Variants in SLIT3 observed in about 807,000 individuals in gnomAD.
SLIT3 encodes the protein slit guidance ligand 3.
In SLIT3, 68 loss-of-function variants were observed where a neutral mutation model predicts 184.0. The ratio of observed to expected loss-of-function variants is 0.37; its 90% CI spans 0.30 to 0.45. SLIT3 has a LOEUF of 0.45. Among genes scored for constraint, SLIT3 ranks in the 20% least tolerant of loss-of-function variants. The pLI, the probability that SLIT3 is intolerant of heterozygous loss-of-function variation, is 1.00. For synonymous variants in SLIT3, 831 were observed against 828.6 expected (o/e 1.00, Z -0.05); for missense variants, 1,707 against 2,026.0 (o/e 0.84, Z 3.02).
Position 168,795,576 on chromosome 5 carries a change from C to G in SLIT3, c.938G>C (p.Arg313Pro). Residue 313 changes from arginine to proline, a missense_variant and splice_region_variant, in exon 10 of 36, where the codon CGC (arginine) becomes CCC (proline). This residue lies in a region of SLIT3 where 1,307 missense variants were observed against 1,511.6 expected (regional missense o/e 0.86). Transcript: ENST00000519560. Reference protein sequence around the residue: ...ANLPEGIVEIRLEQNSIKAIP... With the variant: ...ANLPEGIVEIPLEQNSIKAIP... Reference sequence around the variant, plus strand: ...GGCTTTGATGGAGTTCTGTTCTAGGCGTCTGGGAAACAGAGCAGAGAAGAG... The same window carrying G: ...GGCTTTGATGGAGTTCTGTTCTAGGGGTCTGGGAAACAGAGCAGAGAAGAG... 1 of 1,613,004 alleles carries G rather than the reference C, an allele frequency of 6.2e-7. No individual in the cohort carries two copies. The highest frequency in any genetic ancestry group is 8.5e-7 in the Non-Finnish European group (1 of 1,179,018).
chr5:169,154,181 C>T (rs1187398915), intron 4 of SLIT3, among the ~76,000 whole-genome samples: 2 of 152,126 alleles, frequency 1.3e-5, no homozygotes, highest in South Asian at 2.1e-4. Flanking sequence ...ACCGTGGTCT[C>T]GATCTCCTGA....
At chr5:168,842,597 G>T (rs911809646) in intron 6 of SLIT3, among the ~76,000 whole-genome samples, 3 of 151,836 alleles carry the variant, frequency 2.0e-5, no homozygotes, top group Non-Finnish European at 4.4e-5. Flanking sequence ...AGTTATGAGA[G>T]CCCCTCCTAT....
rs531502648 is a variant in SLIT3 at position 169,204,358 on chromosome 5, G to A, written c.342-10808C>T. Reference sequence around the variant, plus strand: ...ATTAGCAGGAGTGGTTCAAAAAAGAGTGGGGGAAAATAAAAAGGAACAATG... The same window carrying A: ...ATTAGCAGGAGTGGTTCAAAAAAGAATGGGGGAAAATAAAAAGGAACAATG... On this transcript the variant is annotated intron_variant, in intron 3 of 35. Transcript: ENST00000519560. Among the ~76,000 whole-genome samples the A allele has an allele frequency of 3.2e-4, 48 of 152,294 alleles. No homozygotes were observed. In the South Asian group the frequency reaches 1.0e-2, roughly 32 times the overall value.
Position 168,751,052 on chromosome 5 carries a change from G to A in SLIT3, c.1974-1417C>T, listed in dbSNP as rs1376369587. ...AAGGTGGAAGGGAGAGAGGCTAGGG[G>A]GAGGGAGGCTGGGGGAGGGTGCTCC... On this transcript the variant is annotated intron_variant, in intron 18 of 35. Transcript: ENST00000519560. 2.0e-5 allele frequency among the ~76,000 whole-genome samples: 3 copies of A among 151,864 alleles called. No homozygotes were observed. In the South Asian group the frequency reaches 6.2e-4, roughly 32 times the overall value.
At chr5:168,918,289 G>A (rs1445171180) in intron 4 of SLIT3, among the ~76,000 whole-genome samples, 1 of 152,224 alleles carries the variant, frequency 6.6e-6, no homozygotes, top group Non-Finnish European at 1.5e-5. Context: ...AATTCAAGGT[G>A]TGGAGAGACT....
At chr5:168,971,167 C>T (rs957426685) in intron 4 of SLIT3, among the ~76,000 whole-genome samples, 2 of 152,216 alleles carry the variant, frequency 1.3e-5, no homozygotes, top group Non-Finnish European at 2.9e-5. Context: ...ACGCTATTAG[C>T]ATATTTCAAG....
intron 4 of SLIT3, among the ~76,000 whole-genome samples, chr5:169,182,839 G>T (rs1763211480): frequency 6.6e-6 from 1 of 152,144 alleles, no homozygotes; most frequent in Non-Finnish European, 1.5e-5. Flanking sequence ...ATGGGTGAAG[G>T]CTGGCTTCTG....
At chr5:168,896,278 C>T (rs904040627) in intron 4 of SLIT3, among the ~76,000 whole-genome samples, 5 of 152,130 alleles carry the variant, frequency 3.3e-5, no homozygotes, top group African/African-American at 1.2e-4. Context: ...TCAGTTTTTG[C>T]ATCTGTATAA....
chr5:169,098,768 G>T (rs1399988523), intron 4 of SLIT3, among the ~76,000 whole-genome samples: 3 of 152,156 alleles, frequency 2.0e-5, no homozygotes, highest in Non-Finnish European at 4.4e-5. Context: ...ATTACAATGG[G>T]ACAATTGTTC....
intron 4 of SLIT3, among the ~76,000 whole-genome samples, chr5:169,008,698 C>T (rs917367965): frequency 2.0e-5 from 3 of 152,068 alleles, no homozygotes; most frequent in Admixed American, 1.3e-4. Flanking sequence ...ACAGGGTCTC[C>T]GTATGTTGCC....
chr5:168,928,263 T>C (rs1761892287), intron 4 of SLIT3, among the ~76,000 whole-genome samples: 1 of 152,218 alleles, frequency 6.6e-6, no homozygotes, highest in African/African-American at 2.4e-5. Flanking sequence ...GAAAATAATT[T>C]AGGAAGGAAA....
intron 4 of SLIT3, among the ~76,000 whole-genome samples, chr5:168,940,630 C>T (rs1317581926): frequency 6.6e-6 from 1 of 152,018 alleles, no homozygotes; most frequent in Non-Finnish European, 1.5e-5. Context: ...GATTTAGTCC[C>T]AACTTGGAGA....
At chr5:169,041,574 G>A (rs549171226) in intron 4 of SLIT3, among the ~76,000 whole-genome samples, 1 of 152,204 alleles carries the variant, frequency 6.6e-6, no homozygotes, top group Non-Finnish European at 1.5e-5. Flanking sequence ...TAGTCCTACA[G>A]TGCCTGTCCT....
chr5:169,154,646 G>A (rs1762239681), intron 4 of SLIT3, among the ~76,000 whole-genome samples: 1 of 152,222 alleles, frequency 6.6e-6, no homozygotes, highest in Non-Finnish European at 1.5e-5. Context: ...ATAAAGTCAA[G>A]ACAGCTTCAT....
At chr5:168,970,136 G>A (rs987744991) in intron 4 of SLIT3, among the ~76,000 whole-genome samples, 2 of 151,988 alleles carry the variant, frequency 1.3e-5, no homozygotes, top group African/African-American at 2.4e-5. Flanking sequence ...AGCTGAGATC[G>A]TGCCACTGCA....
At chr5:168,960,207 G>T (rs144652435) in intron 4 of SLIT3, among the ~76,000 whole-genome samples, 1 of 152,188 alleles carries the variant, frequency 6.6e-6, no homozygotes, top group African/African-American at 2.4e-5. Flanking sequence ...GGTACCTGGC[G>T]TACTGCATGG....
intron 3 of SLIT3, among the ~76,000 whole-genome samples, chr5:169,229,096 CAG>C (rs917077527): frequency 1.3e-4 from 19 of 150,576 alleles, no homozygotes; most frequent in African/African-American, 1.2e-4. Context: ...GAGACAGAGA[CAG>C]AGAGAGAGAG....
chr5:169,011,248 C>A (rs531329324), intron 4 of SLIT3, among the ~76,000 whole-genome samples: 4 of 152,250 alleles, frequency 2.6e-5, no homozygotes, highest in East Asian at 1.9e-4. Flanking sequence ...CCTTTGTGAA[C>A]CCTGGAGTTT....
At position 168,877,799 on chromosome 5, in the gene SLIT3, G is replaced by A. The variant is rs78992953; in HGVS notation, c.485+5466C>T. On this transcript the variant is annotated intron_variant, in intron 5 of 35. Coordinates refer to ENST00000519560, the MANE Select transcript of SLIT3 (RefSeq NM_003062.4). ...GGAATGCATGTCCTACACAGTCCTC[G>A]CAAATAGAAACTGAAAAACAGAGGA... Among the ~76,000 whole-genome samples, 446 of 152,156 alleles carry A rather than the reference G, an allele frequency of 2.9e-3. 2 individuals carry two copies. The highest frequency in any genetic ancestry group is 3.5e-3 in the Non-Finnish European group (235 of 67,990).
Sources: allele counts gnomAD v4.1 joint callset (sites outside exome capture counted in the v4.1 genomes callset), GRCh38; gene constraint gnomAD v4.1.1; regional missense constraint gnomAD v4.1.1; transcripts MANE v1.5; gene names NCBI Gene and HGNC (gene_info 2026-07-23, HGNC 2026-07-21).